The following SRPX2 variants were observed in gnomAD, a reference collection of about 807,000 sequenced individuals.
The protein encoded by SRPX2 is sushi repeat-containing protein SRPX2.
In SRPX2, 26 loss-of-function variants were observed where a neutral mutation model predicts 45.3. The ratio of observed to expected loss-of-function variants is 0.57; its 90% CI spans 0.42 to 0.80. SRPX2 has a LOEUF of 0.80. Ranked by LOEUF, SRPX2 falls within the 30% of genes least tolerant of loss-of-function variation. The pLI is 0.00. For synonymous variants in SRPX2, 125 were observed against 143.7 expected (o/e 0.87, Z 0.93); for missense variants, 355 against 399.8 (o/e 0.89, Z 0.95).
intron 3 of SRPX2, 133 bp downstream of exon 3, chrX:100,650,998 T>C: frequency 2.0e-6 from 1 of 511,220 alleles, no homozygotes; most frequent in Non-Finnish European, 3.3e-6. Flanking sequence ...GGGCTGTGAT[T>C]TCTCATCATG....
At position 100,675,562 on chromosome X, in the gene SRPX2, C is replaced by A. The variant is rs1259562682; in HGVS notation, c.*4575C>A. On this transcript the variant is annotated 3_prime_UTR_variant, in exon 11 of 11. Coordinates refer to ENST00000373004, the MANE Select transcript of SRPX2 (RefSeq NM_014467.3). The stretch of plus-strand genomic sequence containing the variant: ...AGGAGAAAGAGGAAGGAACTACTCA[C>A]CTCTCCCCAACATTCCTGTCTTTAC... The A allele has an allele frequency of 8.9e-6, 1 of 112,731 alleles. No homozygotes were observed. The highest frequency in any genetic ancestry group is 1.9e-5 in the Non-Finnish European group (1 of 53,844). The allele number at this position is 112,731 out of a possible 1,213,427, so 9.3% of individuals were successfully genotyped here. A position where few individuals can be genotyped will look rare whatever the true frequency, so the allele number is the denominator to read the frequency against.
chrX:100,645,206 G>T (rs1177776710), intron 1 of SRPX2, among the ~76,000 whole-genome samples: 1 of 112,190 alleles, frequency 8.9e-6, no homozygotes, highest in Non-Finnish European at 1.9e-5. Flanking sequence ...TTCTAGGACT[G>T]ACTCCTCCCC....
At chrX:100,651,788 CAAAA>C (rs11362148) in intron 3 of SRPX2, among the ~76,000 whole-genome samples, 61 of 59,549 alleles carry the variant, frequency 1.0e-3, no homozygotes, top group Admixed American at 4.9e-3. Flanking sequence ...GGCTCTGTCT[CAAAA>C]AAAAAAAAAA....
intron 7 of SRPX2, among the ~76,000 whole-genome samples, chrX:100,666,552 T>C (rs2083205039): frequency 8.9e-6 from 1 of 112,632 alleles, no homozygotes; most frequent in South Asian, 3.7e-4. Context: ...TTCCAGACTT[T>C]ACAAACCTTT....
At chrX:100,666,724 T>C (rs1395919393) in intron 7 of SRPX2, 30 bp from the exon 8 acceptor site, 3 of 1,211,221 alleles carry the variant, frequency 2.5e-6, no homozygotes, top group East Asian at 5.9e-5. Flanking sequence ...AGAAACACCA[T>C]AACTTCTAAC....
At chrX:100,662,438 A>G in intron 4 of SRPX2, 71 bp downstream of exon 4, 1 of 1,131,959 alleles carries the variant, frequency 8.8e-7, no homozygotes. Flanking sequence ...CTGAGGGTAT[A>G]TGCCCGGAGG....
chrX:100,665,488 T>G (rs1219730393), intron 6 of SRPX2, 48 bp from the exon 7 acceptor site: 1 of 1,210,196 alleles, frequency 8.3e-7, no homozygotes, highest in South Asian at 1.8e-5. Flanking sequence ...CAGACTTCAA[T>G]TCTAAGGGTC....
chrX:100,650,392 G>T, intron 2 of SRPX2: 1 of 187,774 alleles, frequency 5.3e-6, no homozygotes, highest in Non-Finnish European at 1.0e-5. Context: ...CCTCCTATCA[G>T]GGACCACAGT....
chrX:100,663,753 C>A (rs1317646374), intron 4 of SRPX2, among the ~76,000 whole-genome samples: 2 of 112,417 alleles, frequency 1.8e-5, no homozygotes, highest in East Asian at 5.6e-4. Context: ...CAAGCATAGG[C>A]TCACAATTAA....
rs930584654 is a variant in SRPX2 at position 100,674,331 on chromosome X, T to C, written c.*3344T>C. The C allele has an allele frequency of 2.3e-4, 26 of 112,253 alleles. No individual in the cohort carries two copies. The highest frequency in any genetic ancestry group is 4.6e-3 in the Middle Eastern group (1 of 219). The allele number at this position is 112,253 out of a possible 1,213,427, so 9.3% of individuals were successfully genotyped here. ...CAGCGAAAGTATCAGGCATTTAAGGTATCAGGCAGCAATGCGGGGAAAGGT... is the reference window on the plus strand; with the variant it reads ...CAGCGAAAGTATCAGGCATTTAAGGCATCAGGCAGCAATGCGGGGAAAGGT... On this transcript the variant is annotated 3_prime_UTR_variant, in exon 11 of 11. Coordinates refer to ENST00000373004, the MANE Select transcript of SRPX2 (RefSeq NM_014467.3).
chrX:100,675,692 T>C lies in SRPX2; in HGVS notation c.*4705T>C. The C allele has an allele frequency of 6.5e-6, 1 of 154,308 alleles. No homozygotes were observed. The highest frequency in any genetic ancestry group is 1.2e-5 in the Non-Finnish European group (1 of 80,321). The allele number at this position is 154,308 out of a possible 1,213,427, so 12.7% of individuals were successfully genotyped here. ...GGAACAATGATAGCAAGACAGAAGA[T>C]AAAAAGTTGTTTTAAAAGCTGTTTT... is the stretch of plus-strand genomic sequence containing the variant. On this transcript the variant is annotated 3_prime_UTR_variant, in exon 11 of 11. Coordinates refer to ENST00000373004, the MANE Select transcript of SRPX2 (RefSeq NM_014467.3).
chrX:100,647,665 G>A (rs1013624288), intron 2 of SRPX2, among the ~76,000 whole-genome samples: 4 of 112,510 alleles, frequency 3.6e-5, no homozygotes, highest in Non-Finnish European at 5.6e-5. Context: ...TAGATGGCTC[G>A]AAGCCCAATT....
At position 100,674,885 on chromosome X, in the gene SRPX2, T is replaced by C. The variant is rs1398686905; in HGVS notation, c.*3898T>C. The stretch of plus-strand genomic sequence containing the variant: ...CTCAACACACTACACCCATGTAATA[T>C]GTAGGTCAAATTTAGGAAACAATAG... On this transcript the variant is annotated 3_prime_UTR_variant, in exon 11 of 11. Coordinates refer to ENST00000373004, the MANE Select transcript of SRPX2 (RefSeq NM_014467.3). 1.8e-5 allele frequency: 2 copies of C among 111,547 alleles called. No homozygotes were observed. Among genetic ancestry groups the C allele is most frequent in the Admixed American group, 9.5e-5 (1 of 10,508 alleles). 9.2% of individuals were successfully genotyped at this position (111,547 alleles called of 1,213,427 possible).
At chrX:100,651,394 T>C (rs1241579817) in intron 3 of SRPX2, among the ~76,000 whole-genome samples, 2 of 110,856 alleles carry the variant, frequency 1.8e-5, no homozygotes. Flanking sequence ...TGGCTAAAAA[T>C]ACGGAAGTAA....
At chrX:100,670,232 A>G (rs1192199299) in intron 10 of SRPX2, among the ~76,000 whole-genome samples, 2 of 111,615 alleles carry the variant, frequency 1.8e-5, no homozygotes. Flanking sequence ...CAATAAAGCC[A>G]TCACTGCTCT....
chrX:100,665,989 C>T (rs1005632336), intron 7 of SRPX2, among the ~76,000 whole-genome samples: 1 of 112,272 alleles, frequency 8.9e-6, no homozygotes, highest in African/African-American at 3.2e-5. Flanking sequence ...TCGTTCACCT[C>T]TGATAAAACT....
chrX:100,651,266 G>A (rs905563895), intron 3 of SRPX2, among the ~76,000 whole-genome samples: 2 of 111,072 alleles, frequency 1.8e-5, no homozygotes, highest in South Asian at 7.8e-4. Context: ...ATGCAATAGG[G>A]TTTAAGAAAA....
chrX:100,662,119 A>G (rs2083190086), intron 3 of SRPX2, 57 bp from the exon 4 acceptor site: 33 of 1,159,232 alleles, frequency 2.8e-5, no homozygotes, highest in Non-Finnish European at 3.8e-5. Context: ...TCTTTTCACC[A>G]ACACCACACT....
intron 7 of SRPX2, among the ~76,000 whole-genome samples, chrX:100,666,211 A>T (rs1343660792): frequency 1.8e-5 from 2 of 112,564 alleles, no homozygotes; most frequent in African/African-American, 6.4e-5. Context: ...TACATACTTT[A>T]AAAAATATAT....
Sources: allele counts gnomAD v4.1 joint callset (sites outside exome capture counted in the v4.1 genomes callset), GRCh38; gene constraint gnomAD v4.1.1; transcripts MANE v1.5; gene names NCBI Gene and HGNC (gene_info 2026-07-23, HGNC 2026-07-21).